Variants in CD81 observed in about 807,000 individuals in gnomAD.
The protein encoded by CD81 is CD81 antigen.
Under a neutral mutation model 30.1 loss-of-function variants are expected in CD81, and 10 were observed. That is an observed-to-expected ratio of 0.33 (90% CI 0.21 to 0.56). The LOEUF is 0.56. CD81 is among the 20% of genes least tolerant of loss of function. The pLI is 0.89. For synonymous variants in CD81, 147 were observed against 126.4 expected (o/e 1.16, Z -1.10); for missense variants, 263 against 308.7 (o/e 0.85, Z 1.11).
rs1170625701 is a variant in CD81 at position 2,390,522 on chromosome 11, T to TG, written c.178dup (p.Val60GlyfsTer46). 6.2e-7 allele frequency: 1 copy of TG among 1,602,066 alleles called. No homozygotes were observed. The highest frequency in any genetic ancestry group is 1.7e-5 in the Admixed American group (1 of 59,984). ...ACAAGCCCGCGCCCAACACCTTCTA[T>TG]GTAGGTGAGTGCACATGTGGCCGCA... is the stretch of plus-strand genomic sequence containing the variant. On this transcript the variant is annotated frameshift_variant, in exon 2 of 8. Coordinates refer to ENST00000263645, the MANE Select transcript of CD81 (RefSeq NM_004356.4). LOFTEE classifies it high-confidence loss of function.
chr11:2,391,509 C>T (rs979522610), intron 2 of CD81: 11 of 152,306 alleles, frequency 7.2e-5, no homozygotes, highest in African/African-American at 2.7e-4. Context: ...CACAGCGTGC[C>T]CGTTCCTTCT....
chr11:2,377,246 G>A (rs1449224043), upstream of CD81: 1 of 152,086 alleles, frequency 6.6e-6, no homozygotes, highest in African/African-American at 2.4e-5. This position sits in a 1 kb window ranked among gnomAD's most constrained non-coding sequence, Gnocchi z 7.7. Flanking sequence ...GCTGGCCGGG[G>A]CGGGGCCTAT....
At chr11:2,379,287 G>A in intron 1 of CD81, 2 of 442,796 alleles carry the variant, frequency 4.5e-6, no homozygotes, top group Admixed American at 2.4e-5. Context: ...GGACCTGGGG[G>A]CAGGGGCCGA....
At chr11:2,383,776 G>A (rs1329437219) in intron 1 of CD81, among the ~76,000 whole-genome samples, 2 of 152,224 alleles carry the variant, frequency 1.3e-5, no homozygotes, top group Non-Finnish European at 2.9e-5. Flanking sequence ...ATGTACCATC[G>A]TCCTCGTCCC....
chr11:2,388,335 G>GGCC (rs147385433), intron 1 of CD81, among the ~76,000 whole-genome samples: 15,939 of 152,200 alleles, frequency 0.1, 2,403 homozygotes, highest in African/African-American at 0.34. Context: ...CCCTCACCGA[G>GGCC]GCCCTAGACC....
At position 2,395,400 on chromosome 11, in the gene CD81, C is replaced by T. The variant is rs188697218; in HGVS notation, c.355-16C>T. 852 of 1,598,226 alleles carry T rather than the reference C, an allele frequency of 5.3e-4. No homozygotes were observed. Among genetic ancestry groups the T allele is most frequent in the Non-Finnish European group, 6.7e-4 (785 of 1,166,834 alleles). On this transcript the variant is annotated splice_polypyrimidine_tract_variant and intron_variant, in intron 4 of 7. Coordinates refer to ENST00000263645, the MANE Select transcript of CD81 (RefSeq NM_004356.4). ...GGGAGGTTCCCCCTGTGCATGTGACCGCACCCCTCCCCCAGATCGCCAAGG... is the reference window on the plus strand; with the variant it reads ...GGGAGGTTCCCCCTGTGCATGTGACTGCACCCCTCCCCCAGATCGCCAAGG...
At chr11:2,390,974 A>G (rs1031190518) in intron 2 of CD81, 19 of 281,550 alleles carry the variant, frequency 6.7e-5, no homozygotes, top group Non-Finnish European at 1.3e-4. Context: ...GAGACGCCCC[A>G]GAGGCGGTGT....
chr11:2,381,205 G>T (rs1467406404), intron 1 of CD81, among the ~76,000 whole-genome samples: 1 of 152,340 alleles, frequency 6.6e-6, no homozygotes, highest in East Asian at 1.9e-4. Context: ...TCTGTGGTTT[G>T]TCTCTGCTAC....
At chr11:2,396,124 GT>G in intron 6 of CD81, 154 bp downstream of exon 6, 2 of 607,818 alleles carry the variant, frequency 3.3e-6, no homozygotes, top group East Asian at 3.4e-5. Flanking sequence ...GAGGGTTGGG[GT>G]GGGACCGCAT....
chr11:2,394,208 G>A lies in CD81; in HGVS notation c.279+16G>A, dbSNP rs765652168. ...GCTGGGGACGGTAAGGCAGGGAGGC[G>A]GGCCTGTGCCTGGGCCGGGGAGGGG... On this transcript the variant is annotated intron_variant, in intron 3 of 7. Coordinates refer to ENST00000263645, the MANE Select transcript of CD81 (RefSeq NM_004356.4). 9 of 1,578,372 alleles carry A rather than the reference G, an allele frequency of 5.7e-6. No homozygotes were observed. Among genetic ancestry groups the A allele is most frequent in the South Asian group, 2.2e-5 (2 of 90,236 alleles).
chr11:2,394,123 T>C lies in CD81; in HGVS notation c.210T>C (p.Ala70=). 6 of 1,613,192 alleles carry C rather than the reference T, an allele frequency of 3.7e-6. No individual in the cohort carries two copies. The highest frequency in any genetic ancestry group is 5.1e-6 in the Non-Finnish European group (6 of 1,179,850). ...VGIYILIAVG[A]VMMFVGFLGC... ...TCTACATCCTCATCGCTGTGGGCGC[T>C]GTCATGATGTTCGTTGGCTTCCTGG... The change falls in exon 3 of 8, where the codon GCT becomes GCC. Residue 70 remains alanine, a synonymous_variant. Coordinates refer to ENST00000263645, the MANE Select transcript of CD81 (RefSeq NM_004356.4).
intron 1 of CD81, among the ~76,000 whole-genome samples, chr11:2,383,215 C>T (rs1327721122): frequency 6.6e-6 from 1 of 152,184 alleles, no homozygotes; most frequent in African/African-American, 2.4e-5. Flanking sequence ...ATTCCTGCTC[C>T]TCTTCCCTCC....
At chr11:2,385,036 C>T (rs1564990632) in intron 1 of CD81, among the ~76,000 whole-genome samples, 1 of 152,092 alleles carries the variant, frequency 6.6e-6, no homozygotes, top group Non-Finnish European at 1.5e-5. Flanking sequence ...TCTAAGGACG[C>T]GGCTTCGGTG....
chr11:2,383,607 C>T (rs112540506), intron 1 of CD81, among the ~76,000 whole-genome samples: 43 of 152,194 alleles, frequency 2.8e-4, no homozygotes, highest in Non-Finnish European at 4.4e-4. Flanking sequence ...GGGCACTTCC[C>T]GGTGTGTTTC....
At chr11:2,386,313 A>G (rs908844243) in intron 1 of CD81, 1 of 632,506 alleles carries the variant, frequency 1.6e-6, no homozygotes, top group Non-Finnish European at 2.9e-6. Context: ...GTCCTTTACC[A>G]GGCTCTGCCC....
chr11:2,394,033 C>T (rs1849951254), intron 2 of CD81, 62 bp from the exon 3 acceptor site: 1 of 1,339,826 alleles, frequency 7.5e-7, no homozygotes, highest in African/African-American at 1.4e-5. Flanking sequence ...ACCCAGGACC[C>T]TCCGGGGTCT....
At chr11:2,386,078 CTTT>C (rs1849792837) in intron 1 of CD81, 1 of 717,358 alleles carries the variant, frequency 1.4e-6, no homozygotes, top group East Asian at 2.7e-5. Flanking sequence ...TGTGGTTGGT[CTTT>C]TTCGTGGCAG....
rs1451709077 is a variant in CD81 at position 2,396,816 on chromosome 11, A to T, written c.661A>T (p.Ile221Phe). Residue 221 changes from isoleucine to phenylalanine, a missense_variant, in exon 8 of 8, where the codon ATC (isoleucine) becomes TTC (phenylalanine). Ile to Phe is a conservative substitution (Grantham distance 21, BLOSUM62 0). Transcript: ENST00000263645. ...VVAVIMIFEM[I>F]LSMVLCCGIR... Reference sequence around the variant, plus strand: ...CACCCTCCTGCAGATCTTCGAGATGATCCTGAGCATGGTGCTGTGCTGTGG... The same window carrying T: ...CACCCTCCTGCAGATCTTCGAGATGTTCCTGAGCATGGTGCTGTGCTGTGG... 1 of 1,612,742 alleles carries T rather than the reference A, an allele frequency of 6.2e-7. No individual in the cohort carries two copies. Among genetic ancestry groups the T allele is most frequent in the Admixed American group, 1.7e-5 (1 of 60,026 alleles).
In CD81 at chr11:2,377,891, C is replaced by T. The variant is rs1849626495; in HGVS notation, c.66+276C>T. ...CTTCTGGGGGCCGCCGGGCAGTTCCCGCTGTGGTGGTGATGGGTGCGGTGG... is the reference window on the plus strand; with the variant it reads ...CTTCTGGGGGCCGCCGGGCAGTTCCTGCTGTGGTGGTGATGGGTGCGGTGG... On this transcript the variant is annotated intron_variant, in intron 1 of 7. Transcript: ENST00000263645. The surrounding 1 kb of genome is among the most constrained non-coding windows in gnomAD (Gnocchi z 7.7). 4.8e-6 allele frequency: 1 copy of T among 208,406 alleles called. No individual in the cohort carries two copies. The highest frequency in any genetic ancestry group is 9.6e-6 in the Non-Finnish European group (1 of 103,658). The allele number at this position is 208,406 out of a possible 1,614,324, so 12.9% of individuals were successfully genotyped here. A position where few individuals can be genotyped will look rare whatever the true frequency, so the allele number is the denominator to read the frequency against.
Sources: allele counts gnomAD v4.1 joint callset (sites outside exome capture counted in the v4.1 genomes callset), GRCh38; gene constraint gnomAD v4.1.1; non-coding constraint Gnocchi (gnomAD v3.1); transcripts MANE v1.5; gene names NCBI Gene and HGNC (gene_info 2026-07-23, HGNC 2026-07-21).